Variants in SLC4A5 observed in about 807,000 individuals in gnomAD.
SLC4A5 encodes the protein electrogenic sodium bicarbonate cotransporter 4.
SLC4A5 carries 96 observed loss-of-function variants against 120.4 expected under a neutral mutation model. The observed-to-expected ratio is 0.80, with a 90% CI of 0.68 to 0.94. The LOEUF is 0.94. Among genes scored for constraint, SLC4A5 ranks in the 40% least tolerant of loss-of-function variants. The pLI, the probability that SLC4A5 is intolerant of heterozygous loss-of-function variation, is 0.00. For synonymous variants in SLC4A5, 550 were observed against 571.1 expected, an observed-to-expected ratio of 0.96 and a Z score of 0.53; for missense variants, 1,259 against 1,459.5, an observed-to-expected ratio of 0.86 and a Z score of 2.24.
At chr2:74,241,495 C>G (rs1036476905) in intron 20 of SLC4A5, among the ~76,000 whole-genome samples, 4 of 151,864 alleles carry the variant, frequency 2.6e-5, no homozygotes, top group Non-Finnish European at 2.9e-5. Flanking sequence ...AATCCCAGCA[C>G]TTTGGGAGGC....
chr2:74,305,820 G>A lies in SLC4A5; in HGVS notation c.80-1140C>T, dbSNP rs1220768411. On this transcript the variant is annotated intron_variant, in intron 6 of 30. Transcript: ENST00000394019. ...GCTCACTGCAACCTCCCCTTCCCAGGTTCAAGCAATTCTCCTGCCTCAGCC... is the reference window on the plus strand; with the variant it reads ...GCTCACTGCAACCTCCCCTTCCCAGATTCAAGCAATTCTCCTGCCTCAGCC... Among the ~76,000 whole-genome samples, 4 of 149,738 alleles carry A rather than the reference G, an allele frequency of 2.7e-5. No homozygotes were observed. In the East Asian group the frequency reaches 8.0e-4, roughly 30 times the overall value.
rs533807843 is a variant in SLC4A5 at position 74,237,830 on chromosome 2, G to A, written c.2319+1505C>T. On this transcript the variant is annotated intron_variant, in intron 21 of 30. Transcript: ENST00000394019. ...TAAAACAGCAGTTAGGGCTGGGTGC[G>A]GTGGCTCACACCTGTAATCCCAGCA... 9.2e-5 allele frequency among the ~76,000 whole-genome samples: 14 copies of A among 152,218 alleles called. No individual in the cohort carries two copies. The South Asian group carries it at 1.2e-3, about 14-fold the overall frequency.
chr2:74,241,856 C>T lies in SLC4A5; in HGVS notation c.2118+138G>A, dbSNP rs1670458969. 2.1e-5 allele frequency: 13 copies of T among 615,696 alleles called. 1 individual carries two copies. Among genetic ancestry groups the T allele is most frequent in the South Asian group, 2.0e-4 (12 of 59,732 alleles). The allele number at this position is 615,696 out of a possible 1,614,324, so 38.1% of individuals were successfully genotyped here. Reference sequence around the variant, plus strand: ...AAAAGTGTTCATTTACAAAGCTCTGCAGGTGACCCTGACGTGCAGCTGGAG... The same window carrying T: ...AAAAGTGTTCATTTACAAAGCTCTGTAGGTGACCCTGACGTGCAGCTGGAG... On this transcript the variant is annotated intron_variant, in intron 20 of 30. Coordinates refer to ENST00000394019, the Ensembl canonical transcript of SLC4A5.
At chr2:74,330,674 G>T (rs1044055565) in intron 4 of SLC4A5, among the ~76,000 whole-genome samples, 5 of 151,788 alleles carry the variant, frequency 3.3e-5, no homozygotes, top group Middle Eastern at 3.2e-3. Flanking sequence ...TCTAGATGGA[G>T]GTGTGTGGTT....
intron 5 of SLC4A5, among the ~76,000 whole-genome samples, chr2:74,316,754 C>T (rs1672977408): frequency 6.6e-6 from 1 of 152,196 alleles, no homozygotes; most frequent in African/African-American, 2.4e-5. Flanking sequence ...AGCACATCTA[C>T]CAGCAGATGC....
intron 5 of SLC4A5, among the ~76,000 whole-genome samples, chr2:74,322,795 C>A (rs902714370): frequency 3.3e-5 from 5 of 152,158 alleles, no homozygotes; most frequent in African/African-American, 1.2e-4. Context: ...ACTCCTCACA[C>A]TTTGCTAGAT....
At chr2:74,281,888 T>C (rs1671825659) in intron 8 of SLC4A5, among the ~76,000 whole-genome samples, 1 of 152,208 alleles carries the variant, frequency 6.6e-6, no homozygotes, top group Non-Finnish European at 1.5e-5. Context: ...TTGTGGACCA[T>C]AACCGTCTTG....
intron 5 of SLC4A5, among the ~76,000 whole-genome samples, chr2:74,315,261 G>T (rs1392567444): frequency 2.0e-5 from 3 of 151,820 alleles, no homozygotes; most frequent in South Asian, 2.1e-4. Flanking sequence ...CCAATACAGT[G>T]AAACTGCATC....
intron 12 of SLC4A5, among the ~76,000 whole-genome samples, chr2:74,258,837 T>C (rs534171314): frequency 2.0e-5 from 3 of 152,348 alleles, no homozygotes; most frequent in African/African-American, 7.2e-5. Flanking sequence ...GACTTTGTTT[T>C]TGCCTTCCAC....
intron 7 of SLC4A5, among the ~76,000 whole-genome samples, chr2:74,298,612 A>G (rs764719491): frequency 1.4e-4 from 21 of 152,220 alleles, no homozygotes; most frequent in Non-Finnish European, 2.8e-4. Flanking sequence ...TGGCAAAGGA[A>G]ACAATCAACA....
chr2:74,239,008 T>A (rs1325017221), intron 21 of SLC4A5, among the ~76,000 whole-genome samples: 1 of 152,018 alleles, frequency 6.6e-6, no homozygotes, highest in African/African-American at 2.4e-5. Context: ...AACAGACACT[T>A]CCAAAAAGAA....
At chr2:74,263,930 C>G (rs1671218331) in intron 10 of SLC4A5, among the ~76,000 whole-genome samples, 1 of 152,244 alleles carries the variant, frequency 6.6e-6, no homozygotes, top group African/African-American at 2.4e-5. Context: ...GGCTGGGAAC[C>G]AACTCTCTCC....
At chr2:74,278,717 G>C (rs1296174851) in intron 8 of SLC4A5, among the ~76,000 whole-genome samples, 3 of 152,192 alleles carry the variant, frequency 2.0e-5, no homozygotes, top group African/African-American at 7.2e-5. Context: ...GACCAAGTTA[G>C]ATACTGGACA....
At position 74,255,639 on chromosome 2, in the gene SLC4A5, G is replaced by T; in HGVS notation, c.1025+136C>A. The stretch of plus-strand genomic sequence containing the variant: ...AAACTCTAAAACTCTTCCCTAGTCA[G>T]AAGATTTCCCTTCCCAGCAGCCTCC... On this transcript the variant is annotated intron_variant, in intron 13 of 30. Transcript: ENST00000394019. The surrounding 1 kb of genome is among the most constrained non-coding windows in gnomAD (Gnocchi z 4.0). 1 of 1,033,114 alleles carries T rather than the reference G, an allele frequency of 9.7e-7. No homozygotes were observed. The highest frequency in any genetic ancestry group is 1.4e-6 in the Non-Finnish European group (1 of 719,972). The allele number at this position is 1,033,114 out of a possible 1,614,324, so 64.0% of individuals were successfully genotyped here. A position where few individuals can be genotyped will look rare whatever the true frequency, so the allele number is the denominator to read the frequency against.
intron 25 of SLC4A5, among the ~76,000 whole-genome samples, chr2:74,229,267 G>GA (rs1018965432): frequency 6.8e-6 from 1 of 146,418 alleles, no homozygotes; most frequent in Non-Finnish European, 1.5e-5. Flanking sequence ...TTTGGGGGGG[G>GA]CACGGAGTCT....
intron 8 of SLC4A5, among the ~76,000 whole-genome samples, chr2:74,281,107 C>A (rs1671799917): frequency 6.6e-6 from 1 of 152,224 alleles, no homozygotes; most frequent in South Asian, 2.1e-4. Flanking sequence ...CTTTTGAAAA[C>A]ATACTGATCT....
At chr2:74,232,214 C>T (rs1670111394) in intron 24 of SLC4A5, among the ~76,000 whole-genome samples, 1 of 152,256 alleles carries the variant, frequency 6.6e-6, no homozygotes, top group Middle Eastern at 3.4e-3. Context: ...AGATGAGTGT[C>T]TGGCACGTGT....
chr2:74,225,133 G>A (rs1431035428), intron 27 of SLC4A5, 138 bp from the exon 28 acceptor site: 16 of 743,236 alleles, frequency 2.2e-5, no homozygotes, highest in Non-Finnish European at 3.0e-5. Flanking sequence ...GAGCCGTCTC[G>A]AAGCTCCCAT....
intron 6 of SLC4A5, among the ~76,000 whole-genome samples, chr2:74,309,304 G>T (rs1672738374): frequency 6.6e-6 from 1 of 151,686 alleles, no homozygotes. Context: ...CCATTAAATT[G>T]CCTTTGTGTC....
Sources: gnomAD v4.1 joint callset for allele counts (sites outside exome capture counted in the v4.1 genomes callset) on GRCh38, gnomAD v4.1.1 for gene constraint, Gnocchi (gnomAD v3.1) non-coding constraint, MANE v1.5 for transcripts, NCBI Gene and HGNC (gene_info 2026-07-23, HGNC 2026-07-21) for gene names.